Variants in RBM33 observed in about 807,000 individuals in gnomAD.
The protein encoded by RBM33 is RNA binding motif protein 33.
Under a neutral mutation model 132.6 loss-of-function variants are expected in RBM33, and 28 were observed. The ratio of observed to expected loss-of-function variants is 0.21; its 90% CI spans 0.16 to 0.29. RBM33 has a LOEUF of 0.29. Among genes scored for constraint, RBM33 ranks in the 10% least tolerant of loss-of-function variants. The pLI, the probability that RBM33 is intolerant of heterozygous loss-of-function variation, is 1.00. For synonymous variants in RBM33, 634 were observed against 593.0 expected (o/e 1.07, Z -1.01); for missense variants, 1,291 against 1,518.5 (o/e 0.85, Z 2.49).
intron 1 of RBM33, among the ~76,000 whole-genome samples, chr7:155,652,398 TG>T (rs759179591): frequency 2.0e-5 from 3 of 152,238 alleles, no homozygotes; most frequent in Non-Finnish European, 2.9e-5. Context: ...TAGCTAAATT[TG>T]GGCAGAAACA....
intron 16 of RBM33, among the ~76,000 whole-genome samples, chr7:155,768,108 C>T (rs992231072): frequency 1.3e-5 from 2 of 152,194 alleles, no homozygotes; most frequent in Non-Finnish European, 1.5e-5. Flanking sequence ...AGAAGGGTTG[C>T]ACTGTTGTTT....
chr7:155,669,739 T>C (rs1467113209), intron 2 of RBM33, among the ~76,000 whole-genome samples: 1 of 152,134 alleles, frequency 6.6e-6, no homozygotes, highest in Non-Finnish European at 1.5e-5. Context: ...ATCCAGGGAG[T>C]ACCAGTTCCT....
At chr7:155,768,692 C>T (rs1265375514) in intron 16 of RBM33, among the ~76,000 whole-genome samples, 7 of 152,272 alleles carry the variant, frequency 4.6e-5, no homozygotes, top group Non-Finnish European at 8.8e-5. Flanking sequence ...TCTGGGCTCA[C>T]CGCAACCTCC....
At chr7:155,753,936 C>T (rs910563707) in intron 14 of RBM33, among the ~76,000 whole-genome samples, 2 of 152,190 alleles carry the variant, frequency 1.3e-5, no homozygotes, top group Admixed American at 6.5e-5. Context: ...TTTGATAAGA[C>T]GTACAGTCTA....
intron 14 of RBM33, among the ~76,000 whole-genome samples, chr7:155,756,332 A>T (rs1180354908): frequency 6.6e-6 from 1 of 152,262 alleles, no homozygotes; most frequent in African/African-American, 2.4e-5. Context: ...GGGTAGATTT[A>T]ATTTGGCTTG....
intron 2 of RBM33, among the ~76,000 whole-genome samples, chr7:155,665,835 G>A (rs1798786275): frequency 6.6e-6 from 1 of 152,162 alleles, no homozygotes; most frequent in African/African-American, 2.4e-5. Context: ...GATGTGTTCT[G>A]GGAGAAATAC....
rs557618705 is a variant in RBM33, at chr7:155,658,260, G to A, written c.44-6915G>A. 2.0e-5 allele frequency among the ~76,000 whole-genome samples: 3 copies of A among 152,136 alleles called. No homozygotes were observed. In the East Asian group the frequency reaches 5.8e-4, roughly 29 times the overall value. ...TTTAAAAATATTTTATCTGATATTA[G>A]TGTAACTTTGCCAGCTGCCTTTTGG... On this transcript the variant is annotated intron_variant, in intron 1 of 17. Transcript: ENST00000401878.
In RBM33 at chr7:155,672,196, T is replaced by G. The variant is rs557245483; in HGVS notation, c.123-671T>G. On this transcript the variant is annotated intron_variant, in intron 2 of 17. Coordinates refer to ENST00000401878, the MANE Select transcript of RBM33 (RefSeq NM_053043.3). ...TCCTAATCAATTATATTGTGCATCT[T>G]TTCCTTCTTCATTAAGGTTTTTAAA... 5.8e-4 allele frequency among the ~76,000 whole-genome samples: 89 copies of G among 152,302 alleles called. 1 individual carries two copies. The highest frequency in any genetic ancestry group is 2.1e-3 in the African/African-American group (88 of 41,580).
chr7:155,662,247 G>C (rs1365458626), intron 1 of RBM33, among the ~76,000 whole-genome samples: 5 of 152,074 alleles, frequency 3.3e-5, no homozygotes, highest in Admixed American at 6.5e-5. Context: ...TCACATTCAG[G>C]CTCCTTTGAA....
At chr7:155,709,044 C>T (rs1249497021) in intron 7 of RBM33, among the ~76,000 whole-genome samples, 3 of 152,010 alleles carry the variant, frequency 2.0e-5, no homozygotes, top group Admixed American at 1.3e-4. Context: ...GGGCATCACA[C>T]GGTCTCTTTG....
rs376218605 is a variant in RBM33 at position 155,741,956 on chromosome 7, G to A, written c.2187G>A (p.Thr729=). The part of the protein sequence containing the change: ...IEMSSSRCSA[T]PSAQVKPIVS... ...TGAGCAGCAGCCGCTGCTCTGCCACGCCCTCAGCACAAGTGAAACCTATCG... is the reference window on the plus strand; with the variant it reads ...TGAGCAGCAGCCGCTGCTCTGCCACACCCTCAGCACAAGTGAAACCTATCG... The change falls in exon 13 of 18, where the codon ACG becomes ACA. Residue 729 remains threonine (T), a synonymous_variant. Transcript: ENST00000401878. 8.7e-5 allele frequency: 141 copies of A among 1,613,908 alleles called. No individual in the cohort carries two copies. Among genetic ancestry groups the A allele is most frequent in the South Asian group, 2.5e-4 (23 of 91,078 alleles).
intron 14 of RBM33, among the ~76,000 whole-genome samples, chr7:155,757,820 A>G (rs917442924): frequency 6.4e-5 from 9 of 140,184 alleles, no homozygotes; most frequent in Non-Finnish European, 1.1e-4. Flanking sequence ...GCTTCCAATC[A>G]TGGTGGAATG....
intron 14 of RBM33, among the ~76,000 whole-genome samples, chr7:155,752,098 G>A (rs1486762518): frequency 6.6e-6 from 1 of 152,196 alleles, no homozygotes; most frequent in Non-Finnish European, 1.5e-5. Flanking sequence ...TGGTTTCTGT[G>A]TCCTTTGATT....
chr7:155,770,592 AC>A (rs1362039000), intron 16 of RBM33, among the ~76,000 whole-genome samples: 1 of 137,036 alleles, frequency 7.3e-6, no homozygotes, highest in Non-Finnish European at 1.6e-5. Flanking sequence ...AGCAGCTGAT[AC>A]CTTTTTTTTT....
At position 155,763,939 on chromosome 7, in the gene RBM33, A is replaced by G. The variant is rs1394054156; in HGVS notation, c.3107A>G (p.His1036Arg). The change falls in exon 15 of 18, where the codon CAT becomes CGT. Residue 1036 changes from histidine to arginine, a missense_variant. By Grantham distance (29) the His-to-Arg change is conservative (BLOSUM62 0). Transcript: ENST00000401878. The part of the protein sequence containing the change: ...LTRGGLQQPP[H>R]LPAGPHAHSP... ...AGGGGGGGCCTCCAGCAGCCCCCAC[A>G]TCTGCCAGCGGGGCCCCACGCACAC... 1 of 1,602,206 alleles carries G rather than the reference A, an allele frequency of 6.2e-7. No individual in the cohort carries two copies. The highest frequency in any genetic ancestry group is 1.3e-5 in the African/African-American group (1 of 74,854).
chr7:155,664,226 A>G (rs1304833940), intron 1 of RBM33, among the ~76,000 whole-genome samples: 4 of 149,526 alleles, frequency 2.7e-5, no homozygotes, highest in African/African-American at 7.6e-5. Flanking sequence ...AGTACACATT[A>G]TGACTTATAT....
At chr7:155,760,333 A>G (rs1233583596) in intron 14 of RBM33, among the ~76,000 whole-genome samples, 2 of 152,322 alleles carry the variant, frequency 1.3e-5, no homozygotes, top group South Asian at 2.1e-4. Context: ...TTAGAGAGCA[A>G]ACCTTCCACA....
At chr7:155,755,414 A>G (rs956977927) in intron 14 of RBM33, among the ~76,000 whole-genome samples, 2 of 152,278 alleles carry the variant, frequency 1.3e-5, no homozygotes, top group East Asian at 3.8e-4. Context: ...AGAGGTTTTC[A>G]TAATACCTTT....
intron 9 of RBM33, among the ~76,000 whole-genome samples, chr7:155,732,269 T>A (rs2117014587): frequency 6.6e-6 from 1 of 152,372 alleles, no homozygotes; most frequent in South Asian, 2.1e-4. Context: ...TAATTGTAAA[T>A]TGATAAAAAA....
Sources: gnomAD v4.1 joint callset for allele counts (sites outside exome capture counted in the v4.1 genomes callset) on GRCh38, gnomAD v4.1.1 for gene constraint, MANE v1.5 for transcripts, NCBI Gene and HGNC (gene_info 2026-07-23, HGNC 2026-07-21) for gene names.